Variants in LPIN2 observed in about 807,000 individuals in gnomAD.
The protein encoded by LPIN2 is lipin 2, also known as phosphatidate phosphatase LPIN2.
A neutral mutation model predicts 111.4 loss-of-function variants in LPIN2; 55 were observed. The observed-to-expected ratio is 0.49, with a 90% CI of 0.40 to 0.62. The LOEUF (loss-of-function observed/expected upper bound fraction) is 0.62, where lower values mean the gene tolerates loss of function less well. Among genes scored for constraint, LPIN2 ranks in the 20% least tolerant of loss-of-function variants. The pLI is 0.00. For missense variants in LPIN2, 992 were observed against 1,112.1 expected, an observed-to-expected ratio of 0.89 and a Z score of 1.54; for synonymous variants, 425 against 414.0, an observed-to-expected ratio of 1.03 and a Z score of -0.32.
At chr18:2,958,181 A>AAAAAAAAC (rs2077652251) in intron 2 of LPIN2, among the ~76,000 whole-genome samples, 1 of 147,096 alleles carries the variant, frequency 6.8e-6, no homozygotes, top group Non-Finnish European at 1.5e-5. Context: ...AAACAGAAAA[A>AAAAAAAAC]AGAAAAAAAA....
At chr18:2,984,300 G>A (rs1489383038) in intron 1 of LPIN2, among the ~76,000 whole-genome samples, 1 of 152,160 alleles carries the variant, frequency 6.6e-6, no homozygotes, top group Middle Eastern at 3.2e-3. Context: ...GTACACCAAA[G>A]TGCCCAGTCA....
intron 4 of LPIN2, chr18:2,945,684 T>G: frequency 1.5e-6 from 2 of 1,351,340 alleles, no homozygotes; most frequent in Middle Eastern, 2.5e-4. Context: ...TCGCTTTACA[T>G]CAATCACACC....
At chr18:2,964,705 A>T (rs1216159661) in intron 1 of LPIN2, among the ~76,000 whole-genome samples, 1 of 152,234 alleles carries the variant, frequency 6.6e-6, no homozygotes, top group African/African-American at 2.4e-5. Context: ...TAAACATCGC[A>T]TGCTATGCTG....
At chr18:3,007,856 TC>T (rs1236078044) in intron 1 of LPIN2, among the ~76,000 whole-genome samples, 1 of 152,204 alleles carries the variant, frequency 6.6e-6, no homozygotes, top group African/African-American at 2.4e-5. Context: ...ATAAATTATT[TC>T]CAAATACTTT....
At chr18:2,996,000 G>T (rs76858947) in intron 1 of LPIN2, among the ~76,000 whole-genome samples, 1 of 152,154 alleles carries the variant, frequency 6.6e-6, no homozygotes, top group Admixed American at 6.5e-5. Flanking sequence ...GGACAAAACT[G>T]AAGAATTAGA....
chr18:2,997,150 T>C (rs2078358416), intron 1 of LPIN2, among the ~76,000 whole-genome samples: 1 of 151,982 alleles, frequency 6.6e-6, no homozygotes, highest in Non-Finnish European at 1.5e-5. Flanking sequence ...CCTGGCTAAT[T>C]TTTGTATTTT....
At chr18:2,931,187 G>A in intron 9 of LPIN2, 69 bp downstream of exon 9, 3 of 1,524,344 alleles carry the variant, frequency 2.0e-6, no homozygotes, top group African/African-American at 2.7e-5. Flanking sequence ...TGGCTACACG[G>A]TAAGTTTTAA....
intron 1 of LPIN2, among the ~76,000 whole-genome samples, chr18:3,005,183 C>A (rs113044223): frequency 0.01 from 1,531 of 151,970 alleles, 25 homozygotes; most frequent in African/African-American, 0.035. Flanking sequence ...AACCCTGTCT[C>A]TACTAAAAAT....
chr18:2,987,653 A>C (rs745883961), intron 1 of LPIN2, among the ~76,000 whole-genome samples: 4 of 152,166 alleles, frequency 2.6e-5, no homozygotes, highest in African/African-American at 4.8e-5. Context: ...TGTTGCTGTG[A>C]TCTCTTTCAA....
chr18:2,954,918 T>C (rs2077585693), intron 2 of LPIN2, among the ~76,000 whole-genome samples: 1 of 152,226 alleles, frequency 6.6e-6, no homozygotes, highest in Non-Finnish European at 1.5e-5. Context: ...CTTTCCAAGT[T>C]ATGGCACAGG....
intron 1 of LPIN2, among the ~76,000 whole-genome samples, chr18:2,962,079 C>A (rs1264995442): frequency 1.3e-5 from 2 of 152,194 alleles, no homozygotes; most frequent in African/African-American, 2.4e-5. Flanking sequence ...ACTCAGGGGC[C>A]TCCAGGATAT....
chr18:2,959,535 T>C (rs1023356231), intron 2 of LPIN2, among the ~76,000 whole-genome samples: 5 of 152,216 alleles, frequency 3.3e-5, no homozygotes, highest in African/African-American at 4.8e-5. Context: ...GTTATTTAAG[T>C]AGATACTGCG....
chr18:3,008,685 C>T (rs886585280), intron 1 of LPIN2, among the ~76,000 whole-genome samples: 1 of 152,080 alleles, frequency 6.6e-6, no homozygotes, highest in Non-Finnish European at 1.5e-5. Context: ...AATTTTTAAA[C>T]CTAGATCCTT....
chr18:2,924,118 G>A (rs879431294), intron 15 of LPIN2, among the ~76,000 whole-genome samples: 1 of 152,106 alleles, frequency 6.6e-6, no homozygotes, highest in Non-Finnish European at 1.5e-5. Flanking sequence ...CTTTTCCTCC[G>A]CCCCAATGTC....
chr18:2,935,009 A>C (rs1029962779), intron 7 of LPIN2, among the ~76,000 whole-genome samples: 3 of 152,228 alleles, frequency 2.0e-5, no homozygotes, highest in Admixed American at 2.0e-4. Flanking sequence ...ATGAGTACCC[A>C]ATACATGCAA....
intron 1 of LPIN2, among the ~76,000 whole-genome samples, chr18:2,963,287 C>T (rs2077741072): frequency 6.6e-6 from 1 of 152,182 alleles, no homozygotes; most frequent in African/African-American, 2.4e-5. Context: ...AGTTGTTCGT[C>T]ATAGGCATGA....
chr18:2,954,920 T>C (rs1268949512), intron 2 of LPIN2, among the ~76,000 whole-genome samples: 1 of 152,238 alleles, frequency 6.6e-6, no homozygotes, highest in African/African-American at 2.4e-5. Context: ...TTCCAAGTTA[T>C]GGCACAGGCA....
intron 1 of LPIN2, among the ~76,000 whole-genome samples, chr18:3,003,281 C>T (rs2078461580): frequency 6.6e-6 from 1 of 152,164 alleles, no homozygotes; most frequent in Non-Finnish European, 1.5e-5. Flanking sequence ...AGCTCATCTG[C>T]AGATGTAGTT....
At chr18:2,934,321 C>T in intron 8 of LPIN2, 30 bp downstream of exon 8, 1 of 1,395,878 alleles carries the variant, frequency 7.2e-7, no homozygotes, top group South Asian at 1.2e-5. Flanking sequence ...TATTTCAGAG[C>T]TGTCCTTCAA....
Sources: gnomAD v4.1 joint callset for allele counts (sites outside exome capture counted in the v4.1 genomes callset) on GRCh38, gnomAD v4.1.1 for gene constraint, MANE v1.5 for transcripts, NCBI Gene and HGNC (gene_info 2026-07-23, HGNC 2026-07-21) for gene names.